PRKG1: variants seen among roughly 807,000 people sequenced by gnomAD.
The protein encoded by PRKG1 is cGMP-dependent protein kinase 1.
A neutral mutation model predicts 88.1 loss-of-function variants in PRKG1; 35 were observed. The observed-to-expected ratio is 0.40, with a 90% CI of 0.30 to 0.53. The LOEUF is 0.53. Among genes scored for constraint, PRKG1 ranks in the 20% least tolerant of loss-of-function variants. The pLI, the probability that PRKG1 is intolerant of heterozygous loss-of-function variation, is 0.59. For synonymous variants in PRKG1, 303 were observed against 292.5 expected (o/e 1.04, Z -0.37); for missense variants, 540 against 839.8 (o/e 0.64, Z 4.41).
chr10:52,212,151 T>C (rs1839993593), intron 9 of PRKG1, among the ~76,000 whole-genome samples: 1 of 152,142 alleles, frequency 6.6e-6, no homozygotes, highest in Non-Finnish European at 1.5e-5. Flanking sequence ...ATAACATTTA[T>C]GGACTGAAAA....
chr10:52,203,308 A>G (rs534447574), intron 9 of PRKG1, among the ~76,000 whole-genome samples: 3 of 152,060 alleles, frequency 2.0e-5, no homozygotes, highest in Non-Finnish European at 2.9e-5. Context: ...TTTAATTTCC[A>G]TGTAATTGTA....
At chr10:51,357,552 T>C (rs531014191) in intron 2 of PRKG1, among the ~76,000 whole-genome samples, 12 of 152,102 alleles carry the variant, frequency 7.9e-5, no homozygotes, top group Admixed American at 7.9e-4. Flanking sequence ...TTGATTTTCA[T>C]CTGTAAAATC....
At chr10:52,040,485 T>G (rs984289875) in intron 5 of PRKG1, among the ~76,000 whole-genome samples, 10 of 152,220 alleles carry the variant, frequency 6.6e-5, no homozygotes, top group African/African-American at 2.4e-4. Flanking sequence ...ATAAACAGTT[T>G]TATTCTGTTG....
chr10:51,160,140 T>C (rs1254387625), intron 2 of PRKG1, among the ~76,000 whole-genome samples: 1 of 152,210 alleles, frequency 6.6e-6, no homozygotes, highest in Non-Finnish European at 1.5e-5. Context: ...CTCTACAAGT[T>C]AGCTTATAAG....
chr10:51,700,253 G>A lies in PRKG1; in HGVS notation c.593-104332G>A, dbSNP rs116277908. On this transcript the variant is annotated intron_variant, in intron 3 of 17. Transcript: ENST00000373980. ...TTCCTATAACCGCTGTTAATGGATG[G>A]GTGGCAGACCCTTCTAGGTTTTTCC... 1.1e-3 allele frequency among the ~76,000 whole-genome samples: 165 copies of A among 152,294 alleles called. 1 individual carries two copies. The highest frequency in any genetic ancestry group is 3.8e-3 in the African/African-American group (157 of 41,564).
intron 6 of PRKG1, among the ~76,000 whole-genome samples, chr10:52,057,072 A>G (rs1196315265): frequency 6.6e-6 from 1 of 152,182 alleles, no homozygotes; most frequent in Non-Finnish European, 1.5e-5. Flanking sequence ...AAAAATGTAT[A>G]AAGGATAACC....
rs375192368 is a variant in PRKG1, at chr10:51,339,575, C to T, written c.479-128148C>T. On this transcript the variant is annotated intron_variant, in intron 2 of 17. Transcript: ENST00000373980. ...AGTAAATAAAAATTTCATAAGATAC[C>T]GTAACATTTTGTATACATTATTTCA... 9.6e-4 allele frequency among the ~76,000 whole-genome samples: 146 copies of T among 151,410 alleles called. 4 individuals carry two copies. In the South Asian group the frequency reaches 0.027, roughly 28 times the overall value.
intron 9 of PRKG1, among the ~76,000 whole-genome samples, chr10:52,244,631 CTA>C (rs1291334052): frequency 6.8e-6 from 1 of 147,908 alleles, no homozygotes; most frequent in Non-Finnish European, 1.5e-5. Flanking sequence ...GCTACTTTCT[CTA>C]TATATAGGTA....
intron 3 of PRKG1, among the ~76,000 whole-genome samples, chr10:51,796,829 T>A (rs1388893537): frequency 6.6e-6 from 1 of 152,054 alleles, no homozygotes; most frequent in African/African-American, 2.4e-5. Flanking sequence ...GAAAGGCAAA[T>A]TTGATTTCTC....
chr10:52,115,180 A>T (rs968138336), intron 7 of PRKG1, among the ~76,000 whole-genome samples: 1 of 152,128 alleles, frequency 6.6e-6, no homozygotes, highest in African/African-American at 2.4e-5. Context: ...AGGACAAAAA[A>T]AGAAAACAAA....
chr10:51,016,418 C>T (rs1843061016), intron 1 of PRKG1, among the ~76,000 whole-genome samples: 1 of 152,034 alleles, frequency 6.6e-6, no homozygotes, highest in African/African-American at 2.4e-5. Context: ...AAATGCAGTT[C>T]ATCTTTCAGG....
chr10:51,129,343 G>T (rs1280533254), intron 1 of PRKG1, among the ~76,000 whole-genome samples: 2 of 152,036 alleles, frequency 1.3e-5, no homozygotes, highest in Non-Finnish European at 2.9e-5. Flanking sequence ...TACTCGGGAG[G>T]CTGAGGCATG....
chr10:52,185,141 T>C (rs1466067031), intron 9 of PRKG1: 2 of 152,134 alleles, frequency 1.3e-5, no homozygotes, highest in Admixed American at 1.3e-4. Flanking sequence ...TATCTGAGAG[T>C]TGTCTTCTTC....
At chr10:51,931,466 TAA>T (rs1842693842) in intron 5 of PRKG1, among the ~76,000 whole-genome samples, 1 of 152,028 alleles carries the variant, frequency 6.6e-6, no homozygotes, top group Non-Finnish European at 1.5e-5. Context: ...AATAAAAATC[TAA>T]AATGAAATAA....
At position 51,827,266 on chromosome 10, in the gene PRKG1, A is replaced by G. The variant is rs183170087; in HGVS notation, c.698+22576A>G. On this transcript the variant is annotated intron_variant, in intron 4 of 17. Transcript: ENST00000373980. ...TCATACAAATAAATAAAAATTATGA[A>G]AAAGGTTTGAAAGAGTATTATTTAT... Among the ~76,000 whole-genome samples, 204 of 152,302 alleles carry G rather than the reference A, an allele frequency of 1.3e-3. 1 individual carries two copies. The highest frequency in any genetic ancestry group is 2.3e-3 in the Non-Finnish European group (156 of 68,008).
At chr10:52,239,321 T>TA (rs1216160111) in intron 9 of PRKG1, among the ~76,000 whole-genome samples, 50 of 116,804 alleles carry the variant, frequency 4.3e-4, no homozygotes, top group African/African-American at 1.1e-3. Context: ...TAAAGTATAA[T>TA]AAAAAAAAAT....
At chr10:51,679,724 GTT>G (rs767932532) in intron 3 of PRKG1, among the ~76,000 whole-genome samples, 2 of 117,304 alleles carry the variant, frequency 1.7e-5, no homozygotes, top group Admixed American at 1.9e-4. Context: ...TTTTTTTAAT[GTT>G]TTTTTTTTTA....
intron 3 of PRKG1, among the ~76,000 whole-genome samples, chr10:51,545,897 C>A (rs1842434070): frequency 6.6e-6 from 1 of 151,906 alleles, no homozygotes; most frequent in Admixed American, 6.6e-5. Context: ...CACCCCCACC[C>A]AGCACCCCCT....
chr10:51,719,045 C>T (rs1414985100), intron 3 of PRKG1, among the ~76,000 whole-genome samples: 1 of 152,030 alleles, frequency 6.6e-6, no homozygotes, highest in Admixed American at 6.6e-5. Flanking sequence ...ACTCAAGAGG[C>T]CCCTGAGAAG....
Sources: gnomAD v4.1 joint callset for allele counts (sites outside exome capture counted in the v4.1 genomes callset) on GRCh38, gnomAD v4.1.1 for gene constraint, MANE v1.5 for transcripts, NCBI Gene and HGNC (gene_info 2026-07-23, HGNC 2026-07-21) for gene names.